AKR1B15: variants seen among roughly 807,000 people sequenced by gnomAD.
AKR1B15 encodes the protein estradiol 17-beta-dehydrogenase AKR1B15.
A neutral mutation model predicts 38.5 loss-of-function variants in AKR1B15; 49 were observed. The observed-to-expected ratio is 1.27, with a 90% CI of 1.01 to 1.62. The LOEUF (loss-of-function observed/expected upper bound fraction) is 1.62. Among genes scored for constraint, AKR1B15 ranks in the 40% most tolerant of loss-of-function variants. AKR1B15 has a pLI of 0.00. For missense variants in AKR1B15, 411 were observed against 381.6 expected (o/e 1.08, Z -0.64); for synonymous variants, 137 against 135.5 (o/e 1.01, Z -0.08).
chr7:134,569,342 G>A, intron 4 of AKR1B15, 71 bp from the exon 5 acceptor site: 2 of 1,565,292 alleles, frequency 1.3e-6, no homozygotes, highest in Admixed American at 1.7e-5. Flanking sequence ...AAATCAAAAA[G>A]CAGGGACAAT....
chr7:134,578,550 C>A (rs6972994), intron 11 of AKR1B15, among the ~76,000 whole-genome samples: 57,707 of 152,090 alleles, frequency 0.38, 11,692 homozygotes, highest in African/African-American at 0.52. Context: ...GGGAATTCTA[C>A]ATCATCTCTT....
chr7:134,569,595 C>T (rs2117658498), intron 5 of AKR1B15, 66 bp downstream of exon 5: 3 of 1,536,714 alleles, frequency 2.0e-6, no homozygotes, highest in Non-Finnish European at 2.7e-6. Context: ...GGACCCCCAA[C>T]AGAGAGACTG....
chr7:134,549,966 T>C (rs1467905742), intron 1 of AKR1B15, among the ~76,000 whole-genome samples: 1 of 152,076 alleles, frequency 6.6e-6, no homozygotes, highest in Non-Finnish European at 1.5e-5. Flanking sequence ...CAGAAACAAA[T>C]TAGGTGTTGT....
chr7:134,567,248 C>CT (rs1462734889), intron 3 of AKR1B15, among the ~76,000 whole-genome samples: 2 of 152,144 alleles, frequency 1.3e-5, no homozygotes, highest in Non-Finnish European at 2.9e-5. Flanking sequence ...GTTTTAAGTG[C>CT]TTTTTGCCCC....
In AKR1B15 at chr7:134,579,362, G is replaced by A. The variant is rs1024246172; in HGVS notation, c.993-145G>A. On this transcript the variant is annotated intron_variant, in intron 11 of 11. Transcript: ENST00000457545. ...CATATCGATTTGAAGGAAGGTCAAG[G>A]TGTAAGCACCCTTCTTGTGTTCTTG... The A allele has an allele frequency of 3.0e-5, 19 of 642,736 alleles. No homozygotes were observed. In the South Asian group the frequency reaches 3.0e-4, roughly 10 times the overall value. 39.8% of individuals were successfully genotyped at this position (642,736 alleles called of 1,614,324 possible). A position where few individuals can be genotyped will look rare whatever the true frequency, so the allele number is the denominator to read the frequency against.
At position 134,564,843 on chromosome 7, in the gene AKR1B15, G is replaced by A. The variant is rs898899643; in HGVS notation, c.150+74G>A. The A allele has an allele frequency of 1.1e-5, 6 of 530,768 alleles. No individual in the cohort carries two copies. In the African/African-American group the frequency reaches 1.2e-4, roughly 10 times the overall value. The allele number at this position is 530,768 out of a possible 1,614,324, so 32.9% of individuals were successfully genotyped here. Reference sequence around the variant, plus strand: ...GTCCTGTTTAGATGGGGGATTGAGAGGTGAAGCCAGCTGGACTTCCTGGGT... The same window carrying A: ...GTCCTGTTTAGATGGGGGATTGAGAAGTGAAGCCAGCTGGACTTCCTGGGT... On this transcript the variant is annotated intron_variant, in intron 3 of 11. Coordinates refer to ENST00000457545, the MANE Select transcript of AKR1B15 (RefSeq NM_001080538.3).
rs150767961 is a variant in AKR1B15 at position 134,563,533 on chromosome 7, G to T, written c.-22-1065G>T. On this transcript the variant is annotated intron_variant, in intron 2 of 11. Coordinates refer to ENST00000457545, the MANE Select transcript of AKR1B15 (RefSeq NM_001080538.3). ...ACTGCACTCCAGCCTGGGCATCAGA[G>T]CAAGACTCCGTCTCAAAAACAAACA... Among the ~76,000 whole-genome samples, 22 of 152,284 alleles carry T rather than the reference G, an allele frequency of 1.4e-4. No individual in the cohort carries two copies. In the East Asian group the frequency reaches 4.2e-3, roughly 29 times the overall value.
Position 134,559,756 on chromosome 7 carries a change from C to T in AKR1B15, c.-23+2897C>T, listed in dbSNP as rs544251312. ...AAAACCAGGAATAGCTTGGTAAATT[C>T]ATGAAGCTAGAAAGTAGCTAATCAA... is the stretch of plus-strand genomic sequence containing the variant. On this transcript the variant is annotated intron_variant, in intron 2 of 11. Coordinates refer to ENST00000457545, the MANE Select transcript of AKR1B15 (RefSeq NM_001080538.3). 4.7e-4 allele frequency among the ~76,000 whole-genome samples: 72 copies of T among 152,300 alleles called. 3 individuals are homozygous for T. The South Asian group carries it at 0.015, about 32-fold the overall frequency.
chr7:134,577,092 G>A (rs752561938), intron 10 of AKR1B15, 46 bp downstream of exon 10: 2 of 1,548,480 alleles, frequency 1.3e-6, no homozygotes, highest in Admixed American at 1.7e-5. Flanking sequence ...GTGGAGTGGG[G>A]GACAGGCAGA....
intron 1 of AKR1B15, among the ~76,000 whole-genome samples, chr7:134,555,624 G>A (rs1794165972): frequency 6.6e-6 from 1 of 152,044 alleles, no homozygotes; most frequent in Admixed American, 6.6e-5. Flanking sequence ...CCACTTGGAA[G>A]GTGGGACCCT....
intron 1 of AKR1B15, among the ~76,000 whole-genome samples, chr7:134,554,285 G>A (rs1019823347): frequency 2.6e-5 from 4 of 152,136 alleles, no homozygotes; most frequent in Non-Finnish European, 4.4e-5. Context: ...CTTTAACCCT[G>A]CTGCCCTCTG....
chr7:134,566,165 GCAGCTGTAGTCC>G (rs1299978209), intron 3 of AKR1B15, among the ~76,000 whole-genome samples: 1 of 152,182 alleles, frequency 6.6e-6, no homozygotes, highest in African/African-American at 2.4e-5. Context: ...ATGGTGGCAT[GCAGCTGTAGTCC>G]CAGCCACTTG....
chr7:134,578,955 G>T (rs1218482137), intron 11 of AKR1B15, among the ~76,000 whole-genome samples: 3 of 152,230 alleles, frequency 2.0e-5, no homozygotes, highest in African/African-American at 7.2e-5. Context: ...GGACTCAGAA[G>T]TAAATCCACC....
intron 5 of AKR1B15, 194 bp downstream of exon 5, chr7:134,569,723 A>G: frequency 1.8e-6 from 1 of 550,658 alleles, no homozygotes; most frequent in East Asian, 3.2e-5. Context: ...CTGAACATAA[A>G]TTGTGAAGAT....
intron 8 of AKR1B15, 113 bp downstream of exon 8, chr7:134,576,040 G>A (rs1794762724): frequency 2.7e-6 from 4 of 1,488,166 alleles, no homozygotes; most frequent in Non-Finnish European, 3.6e-6. Flanking sequence ...TGTGTGTAAG[G>A]TAACACGTTT....
At chr7:134,561,672 T>C (rs1405834782) in intron 2 of AKR1B15, among the ~76,000 whole-genome samples, 3 of 152,048 alleles carry the variant, frequency 2.0e-5, no homozygotes, top group African/African-American at 7.2e-5. Flanking sequence ...CAAAGCCAAC[T>C]CATCAACAAG....
intron 6 of AKR1B15, among the ~76,000 whole-genome samples, chr7:134,574,742 A>G (rs1307497091): frequency 6.6e-6 from 1 of 152,250 alleles, no homozygotes; most frequent in African/African-American, 2.4e-5. Context: ...GCTAAAAATT[A>G]TACAAAGATT....
At chr7:134,555,201 T>C (rs1356217317) in intron 1 of AKR1B15, among the ~76,000 whole-genome samples, 2 of 152,126 alleles carry the variant, frequency 1.3e-5, no homozygotes, top group Non-Finnish European at 2.9e-5. Context: ...CAAGACATCA[T>C]CCAGCTGCTT....
intron 2 of AKR1B15, among the ~76,000 whole-genome samples, chr7:134,562,835 TTTCTTTC>T (rs1054111469): frequency 7.9e-5 from 2 of 25,300 alleles, no homozygotes; most frequent in Non-Finnish European, 2.0e-4. Context: ...TTCCTTTCTC[TTTCTTTC>T]TTTCTTTCTT....
Sources: allele counts gnomAD v4.1 joint callset (sites outside exome capture counted in the v4.1 genomes callset), GRCh38; gene constraint gnomAD v4.1.1; transcripts MANE v1.5; gene names NCBI Gene and HGNC (gene_info 2026-07-23, HGNC 2026-07-21).